KIRREL1: variants seen among roughly 807,000 people sequenced by gnomAD.
KIRREL1 encodes the protein kirre like nephrin family adhesion molecule 1.
Under a neutral mutation model 83.3 loss-of-function variants are expected in KIRREL1, and 25 were observed. The ratio of observed to expected loss-of-function variants is 0.30; its 90% CI spans 0.22 to 0.42. The LOEUF (loss-of-function observed/expected upper bound fraction) is 0.42. KIRREL1 is among the 10% of genes least tolerant of loss of function. The probability of loss-of-function intolerance (pLI) is 1.00; values close to 1 mark genes in which losing one functional copy is unlikely to be tolerated. For missense variants in KIRREL1, 812 were observed against 1,032.3 expected, an observed-to-expected ratio of 0.79 and a Z score of 2.92; for synonymous variants, 388 against 410.4, an observed-to-expected ratio of 0.95 and a Z score of 0.66.
chr1:158,057,075 C>T (rs1279223894), intron 1 of KIRREL1, among the ~76,000 whole-genome samples: 1 of 152,156 alleles, frequency 6.6e-6, no homozygotes, highest in Non-Finnish European at 1.5e-5. Context: ...AATGAAGTGC[C>T]TGTTGTGTGC....
intron 4 of KIRREL1, among the ~76,000 whole-genome samples, chr1:158,086,296 T>C (rs1472531683): frequency 6.6e-6 from 1 of 152,094 alleles, no homozygotes; most frequent in Admixed American, 6.5e-5. Context: ...CTGTAGTCGC[T>C]GCTACTCAGA....
At chr1:158,089,996 CTTG>C (rs1397827839) in intron 10 of KIRREL1, among the ~76,000 whole-genome samples, 178 bp downstream of exon 10, 2 of 152,124 alleles carry the variant, frequency 1.3e-5, no homozygotes, top group Admixed American at 1.3e-4. Context: ...TCCTCCCTTA[CTTG>C]TTATGTGTCC....
intron 2 of KIRREL1, among the ~76,000 whole-genome samples, chr1:158,076,652 G>A (rs767736657): frequency 6.6e-6 from 1 of 152,100 alleles, no homozygotes; most frequent in Non-Finnish European, 1.5e-5. Flanking sequence ...TCTGTGTCCC[G>A]CAAGTGTCTC....
intron 6 of KIRREL1, 29 bp downstream of exon 6, chr1:158,087,889 TG>T (rs767438464): frequency 1.2e-6 from 2 of 1,609,904 alleles, no homozygotes; most frequent in Admixed American, 3.3e-5. Context: ...GGGAGCGCTC[TG>T]GGGAGTGATA....
chr1:158,061,542 T>A (rs77102390), intron 1 of KIRREL1, among the ~76,000 whole-genome samples: 2,110 of 152,348 alleles, frequency 0.014, 52 homozygotes, highest in African/African-American at 0.047. Context: ...CACAGCTGCA[T>A]CCAGCTCCTC....
At chr1:158,009,817 C>T (rs916350978) in intron 1 of KIRREL1, among the ~76,000 whole-genome samples, 1 of 152,190 alleles carries the variant, frequency 6.6e-6, no homozygotes, top group Admixed American at 6.5e-5. Context: ...AGCCTGTGTG[C>T]CAAAGGGTTA....
At chr1:158,060,606 A>G (rs199601792) in intron 1 of KIRREL1, among the ~76,000 whole-genome samples, 1 of 151,654 alleles carries the variant, frequency 6.6e-6, no homozygotes, top group African/African-American at 2.4e-5. Flanking sequence ...CATTCCTCCA[A>G]CAGCCTCTGC....
rs73018948 is a variant in KIRREL1, at chr1:158,005,681, G to A, written c.52+11953G>A. On this transcript the variant is annotated intron_variant, in intron 1 of 14. Coordinates refer to ENST00000359209, the MANE Select transcript of KIRREL1 (RefSeq NM_018240.7). ...TTAAAAACTGGGTCATGAGCAAGTT[G>A]CATGATTTGGGAAGGAAGGTAGGTC... is the stretch of plus-strand genomic sequence containing the variant. 8.5e-3 allele frequency among the ~76,000 whole-genome samples: 1,299 copies of A among 152,224 alleles called. 16 individuals are homozygous for A. Among genetic ancestry groups the A allele is most frequent in the African/African-American group, 0.03 (1,236 of 41,500 alleles).
intron 1 of KIRREL1, among the ~76,000 whole-genome samples, chr1:158,064,594 A>T (rs947933450): frequency 8.5e-5 from 13 of 152,210 alleles, no homozygotes; most frequent in African/African-American, 2.2e-4. Flanking sequence ...ACCTCTAGTG[A>T]TGGGAAGCCT....
chr1:158,092,875 G>T (rs1431913574), intron 11 of KIRREL1, among the ~76,000 whole-genome samples: 1 of 152,198 alleles, frequency 6.6e-6, no homozygotes, highest in East Asian at 1.9e-4. Context: ...AACTGTTGGA[G>T]CCCTGAGTAG....
chr1:158,031,609 G>A (rs913148041), intron 1 of KIRREL1, among the ~76,000 whole-genome samples: 3 of 152,248 alleles, frequency 2.0e-5, no homozygotes. Flanking sequence ...CTTACCTGCT[G>A]TGTCCAAATG....
intron 1 of KIRREL1, among the ~76,000 whole-genome samples, chr1:158,022,046 G>A (rs963794852): frequency 2.8e-4 from 42 of 152,228 alleles, no homozygotes; most frequent in Middle Eastern, 3.4e-3. Context: ...GGGTGCGGTT[G>A]GGGTGGGGCT....
intron 1 of KIRREL1, among the ~76,000 whole-genome samples, chr1:158,037,397 G>C (rs574227783): frequency 6.6e-6 from 1 of 150,850 alleles, no homozygotes; most frequent in Non-Finnish European, 1.5e-5. Context: ...GGAGGCTGAC[G>C]CAGGAGAATC....
Position 158,091,425 on chromosome 1 carries a change from A to C in KIRREL1, c.1340A>C (p.Asn447Thr), listed in dbSNP as rs751792469. 6.2e-7 allele frequency: 1 copy of C among 1,614,202 alleles called. No homozygotes were observed. The stretch of plus-strand genomic sequence containing the variant: ...GAACGCTATACAGTGGAGAGGACCA[A>C]CTCAGGCAGTGGGGTGCTATCCACG... Reference protein sequence around the residue: ...TLERYTVERTNSGSGVLSTLT... With the variant: ...TLERYTVERTTSGSGVLSTLT... Residue 447 changes from asparagine (N) to threonine (T), a missense_variant, in exon 11 of 15, where the codon AAC becomes ACC. By Grantham distance (65) the Asn-to-Thr change is moderately conservative (BLOSUM62 0). Coordinates refer to ENST00000359209, the MANE Select transcript of KIRREL1 (RefSeq NM_018240.7).
At chr1:158,014,680 T>TGGG (rs5778063) in intron 1 of KIRREL1, among the ~76,000 whole-genome samples, 2 of 91,734 alleles carry the variant, frequency 2.2e-5, no homozygotes, top group African/African-American at 4.3e-5. Context: ...ATAGTCTTTA[T>TGGG]GGGGGGGGGG....
chr1:158,054,714 T>C (rs1310200072), intron 1 of KIRREL1, among the ~76,000 whole-genome samples: 1 of 152,194 alleles, frequency 6.6e-6, no homozygotes, highest in Non-Finnish European at 1.5e-5. Flanking sequence ...TGATACGTTT[T>C]GTTGCTCGCT....
At chr1:158,076,483 G>A (rs1042485717) in intron 2 of KIRREL1, among the ~76,000 whole-genome samples, 2 of 152,210 alleles carry the variant, frequency 1.3e-5, no homozygotes, top group South Asian at 4.1e-4. Context: ...AAGGCAGTAC[G>A]AAGCCTGAGA....
intron 1 of KIRREL1, among the ~76,000 whole-genome samples, chr1:158,017,467 G>A (rs1192384964): frequency 6.6e-6 from 1 of 151,964 alleles, no homozygotes; most frequent in Non-Finnish European, 1.5e-5. Flanking sequence ...TGAGGAGGGC[G>A]GATCACTTGA....
chr1:158,094,186 C>G lies in KIRREL1; in HGVS notation c.1720-127C>G. On this transcript the variant is annotated intron_variant, in intron 13 of 14. Transcript: ENST00000359209. The surrounding 1 kb of genome is among the most constrained non-coding windows in gnomAD (Gnocchi z 4.6). ...AGAGCCTCTGCTGAGAGGACCAGAA[C>G]TCAAGTCTGCCCTTGACCTCAGACC... 1 of 783,982 alleles carries G rather than the reference C, an allele frequency of 1.3e-6. No individual in the cohort carries two copies. The highest frequency in any genetic ancestry group is 2.2e-6 in the Non-Finnish European group (1 of 453,762). The allele number at this position is 783,982 out of a possible 1,614,324, so 48.6% of individuals were successfully genotyped here.
Sources: allele counts gnomAD v4.1 joint callset (sites outside exome capture counted in the v4.1 genomes callset), GRCh38; gene constraint gnomAD v4.1.1; non-coding constraint Gnocchi (gnomAD v3.1); transcripts MANE v1.5; gene names NCBI Gene and HGNC (gene_info 2026-07-23, HGNC 2026-07-21).